DLGAP2: variants seen among roughly 807,000 people sequenced by gnomAD.
DLGAP2 encodes the protein DLG associated protein 2.
A neutral mutation model predicts 100.3 loss-of-function variants in DLGAP2; 26 were observed. That is an observed-to-expected ratio of 0.26 (90% CI 0.19 to 0.36). The LOEUF (loss-of-function observed/expected upper bound fraction) is 0.36. Among genes scored for constraint, DLGAP2 ranks in the 10% least tolerant of loss-of-function variants. The pLI is 1.00. For synonymous variants in DLGAP2, 886 were observed against 630.1 expected, an observed-to-expected ratio of 1.41 and a Z score of -6.08; for missense variants, 1,858 against 1,453.2, an observed-to-expected ratio of 1.28 and a Z score of -4.53.
At chr8:1,459,633 G>C (rs1034300190) in intron 3 of DLGAP2, among the ~76,000 whole-genome samples, 11 of 151,642 alleles carry the variant, frequency 7.3e-5, no homozygotes, top group African/African-American at 2.4e-4. Context: ...CACTCACAGA[G>C]CTGTCAGGAT....
intron 4 of DLGAP2, among the ~76,000 whole-genome samples, chr8:1,548,382 C>T (rs1467477599): frequency 7.0e-6 from 1 of 143,680 alleles, no homozygotes; most frequent in Non-Finnish European, 1.5e-5. Context: ...TCGCTTGAAC[C>T]CGGGAGGCGG....
chr8:984,125 T>A (rs1316696201), intron 2 of DLGAP2, among the ~76,000 whole-genome samples: 1 of 152,142 alleles, frequency 6.6e-6, no homozygotes, highest in Admixed American at 6.5e-5. Flanking sequence ...TTTATTGGGA[T>A]TCCCAAAAGT....
At chr8:1,081,359 A>T (rs926594963) in intron 2 of DLGAP2, among the ~76,000 whole-genome samples, 4 of 152,190 alleles carry the variant, frequency 2.6e-5, no homozygotes, top group African/African-American at 9.7e-5. Flanking sequence ...GTTTTAAGAG[A>T]AAGTTTTTTT....
At chr8:1,081,601 T>G (rs887445990) in intron 2 of DLGAP2, among the ~76,000 whole-genome samples, 8 of 152,344 alleles carry the variant, frequency 5.3e-5, no homozygotes, top group African/African-American at 1.9e-4. Context: ...TCCTCCTGCC[T>G]TGGCCTCCCA....
intron 6 of DLGAP2, among the ~76,000 whole-genome samples, chr8:1,601,916 C>G (rs560629843): frequency 5.0e-4 from 76 of 151,284 alleles, no homozygotes; most frequent in African/African-American, 1.7e-3. Flanking sequence ...TATGTAGTCA[C>G]TTTTGATCCT....
intron 8 of DLGAP2, among the ~76,000 whole-genome samples, chr8:1,665,198 C>T (rs903890488): frequency 1.3e-5 from 2 of 151,962 alleles, no homozygotes; most frequent in Admixed American, 6.6e-5. Context: ...GGAAGGTTTA[C>T]TTGTTTTGTG....
chr8:1,391,990 G>C (rs1201852128), intron 3 of DLGAP2, among the ~76,000 whole-genome samples: 1 of 152,170 alleles, frequency 6.6e-6, no homozygotes, highest in East Asian at 1.9e-4. Context: ...CAGAAAACCA[G>C]GTCGTAGGAC....
Position 1,669,945 on chromosome 8 carries a change from G to T in DLGAP2, c.2202+161G>T, listed in dbSNP as rs117845827. On this transcript the variant is annotated intron_variant, in intron 10 of 14. Coordinates refer to ENST00000637795, the MANE Select transcript of DLGAP2 (RefSeq NM_001346810.2). ...CTGTCCCCCTTAGATGAGGACAAGG[G>T]GCTCACCAGGGTCCCTAACCTGCCT... Among the ~76,000 whole-genome samples, 36 of 152,290 alleles carry T rather than the reference G, an allele frequency of 2.4e-4. No individual in the cohort carries two copies. The East Asian group carries it at 6.4e-3, about 27-fold the overall frequency.
chr8:1,164,115 C>CCCCA lies in DLGAP2; in HGVS notation c.74-94736_74-94735insCCCA, dbSNP rs1563224018. Among the ~76,000 whole-genome samples, 58 of 128,622 alleles carry CCCCA rather than the reference C, an allele frequency of 4.5e-4. 9 individuals are homozygous for CCCCA. Among genetic ancestry groups the CCCCA allele is most frequent in the African/African-American group, 1.2e-3 (41 of 33,084 alleles). The allele number at this position is 128,622 out of a possible 152,430, so 84.4% of individuals were successfully genotyped here. On this transcript the variant is annotated intron_variant, in intron 2 of 14. Coordinates refer to ENST00000637795, the MANE Select transcript of DLGAP2 (RefSeq NM_001346810.2). Reference sequence around the variant, plus strand: ...CTGGGGACAGATTTTTCTGTGAGCCCGCAGGGCCCGTCATTTTGGTTTGTG... The same window carrying CCCCA: ...CTGGGGACAGATTTTTCTGTGAGCCCCCCAGCAGGGCCCGTCATTTTGGTTTGTG...
At chr8:1,610,353 A>G (rs1796955003) in intron 6 of DLGAP2, among the ~76,000 whole-genome samples, 3 of 152,104 alleles carry the variant, frequency 2.0e-5, no homozygotes, top group African/African-American at 7.2e-5. Context: ...GAACAAAGAC[A>G]CAACAAACCA....
chr8:1,600,799 T>C (rs1186599822), intron 6 of DLGAP2, among the ~76,000 whole-genome samples: 1 of 152,214 alleles, frequency 6.6e-6, no homozygotes, highest in Non-Finnish European at 1.5e-5. Context: ...GTTCTTAGCT[T>C]CCTTGTGTTG....
intron 3 of DLGAP2, among the ~76,000 whole-genome samples, chr8:1,337,861 A>G (rs1428680921): frequency 1.3e-5 from 2 of 152,252 alleles, no homozygotes; most frequent in African/African-American, 2.4e-5. Flanking sequence ...AGACCAGTCA[A>G]ATTAAAAATG....
chr8:1,580,509 T>C (rs552529201), intron 6 of DLGAP2, among the ~76,000 whole-genome samples: 1 of 152,080 alleles, frequency 6.6e-6, no homozygotes, highest in Non-Finnish European at 1.5e-5. Flanking sequence ...CTCACACACA[T>C]AGAACCTGAA....
intron 1 of DLGAP2, among the ~76,000 whole-genome samples, chr8:828,328 G>T (rs908090107): frequency 1.3e-5 from 2 of 152,154 alleles, no homozygotes; most frequent in African/African-American, 4.8e-5. Context: ...ACGCCCCGGG[G>T]GGGCCAGTTC....
chr8:1,194,830 G>T (rs117250137), intron 2 of DLGAP2, among the ~76,000 whole-genome samples: 1 of 152,338 alleles, frequency 6.6e-6, no homozygotes, highest in South Asian at 2.1e-4. Context: ...CCACTGTGAC[G>T]TGTGTGGCCA....
At chr8:827,992 T>C (rs1406558003) in intron 1 of DLGAP2, among the ~76,000 whole-genome samples, 1 of 152,026 alleles carries the variant, frequency 6.6e-6, no homozygotes, top group Non-Finnish European at 1.5e-5. Flanking sequence ...CAGCAAGTCT[T>C]TATTAGGGAT....
intron 3 of DLGAP2, chr8:1,299,840 A>G (rs1206119454): frequency 6.6e-6 from 1 of 152,282 alleles, no homozygotes; most frequent in Non-Finnish European, 1.5e-5. Context: ...AATCAACCCA[A>G]ATGACTTTGT....
rs571211437 is a variant in DLGAP2 at position 1,705,845 on chromosome 8, G to T, written c.*4439G>T. 7 of 152,222 alleles carry T rather than the reference G, an allele frequency of 4.6e-5. No individual in the cohort carries two copies. Among genetic ancestry groups the T allele is most frequent in the African/African-American group, 1.7e-4 (7 of 41,530 alleles). 9.4% of individuals were successfully genotyped at this position (152,222 alleles called of 1,614,324 possible). ...TCTGTTTACACTTCTCTGTAGGCGT[G>T]GGTTGAATACAAGTTTCCAAAACTT... is the stretch of plus-strand genomic sequence containing the variant. On this transcript the variant is annotated 3_prime_UTR_variant, in exon 15 of 15. Coordinates refer to ENST00000637795, the MANE Select transcript of DLGAP2 (RefSeq NM_001346810.2).
chr8:1,309,675 C>G (rs1003997102), intron 3 of DLGAP2, among the ~76,000 whole-genome samples: 1 of 152,162 alleles, frequency 6.6e-6, no homozygotes, highest in Non-Finnish European at 1.5e-5. Flanking sequence ...ACAGGGACGA[C>G]CAGGAAAACC....
Sources: allele counts gnomAD v4.1 joint callset (sites outside exome capture counted in the v4.1 genomes callset), GRCh38; gene constraint gnomAD v4.1.1; transcripts MANE v1.5; gene names NCBI Gene and HGNC (gene_info 2026-07-23, HGNC 2026-07-21).